FHIT: variants seen among roughly 807,000 people sequenced by gnomAD.
FHIT encodes the protein fragile histidine triad diadenosine triphosphatase, also known as bis(5'-adenosyl)-triphosphatase.
Under a neutral mutation model 17.9 loss-of-function variants are expected in FHIT, and 19 were observed. That is an observed-to-expected ratio of 1.06 (90% CI 0.74 to 1.56). The LOEUF (loss-of-function observed/expected upper bound fraction) is 1.56, where lower values mean the gene tolerates loss of function less well. Among genes scored for constraint, FHIT ranks in the 40% most tolerant of loss-of-function variants. The probability of loss-of-function intolerance (pLI) is 0.00; values close to 1 mark genes in which losing one functional copy is unlikely to be tolerated. For missense variants in FHIT, 248 were observed against 189.2 expected, an observed-to-expected ratio of 1.31 and a Z score of -1.82; for synonymous variants, 81 against 69.7, an observed-to-expected ratio of 1.16 and a Z score of -0.81.
chr3:60,925,396 G>T (rs1453880880), intron 3 of FHIT, among the ~76,000 whole-genome samples: 1 of 152,142 alleles, frequency 6.6e-6, no homozygotes, highest in South Asian at 2.1e-4. Flanking sequence ...AGAGAGTGGA[G>T]GCCAATATTC....
chr3:60,232,085 G>A (rs1704524819), intron 5 of FHIT, among the ~76,000 whole-genome samples: 1 of 152,132 alleles, frequency 6.6e-6, no homozygotes, highest in South Asian at 2.1e-4. Flanking sequence ...TCTTGAATAG[G>A]AACTTGTAGT....
intron 4 of FHIT, among the ~76,000 whole-genome samples, chr3:60,562,522 G>C (rs2036988938): frequency 1.3e-5 from 2 of 152,120 alleles, no homozygotes; most frequent in Admixed American, 1.3e-4. Context: ...CCCACTCCTA[G>C]GTTTTAAGAG....
intron 4 of FHIT, among the ~76,000 whole-genome samples, chr3:60,759,777 G>A (rs543859258): frequency 6.6e-6 from 1 of 152,234 alleles, no homozygotes; most frequent in Non-Finnish European, 1.5e-5. Context: ...ACCCAGACAA[G>A]TGCATTCTGA....
intron 4 of FHIT, among the ~76,000 whole-genome samples, chr3:60,537,889 G>A (rs933284628): frequency 6.6e-6 from 1 of 152,122 alleles, no homozygotes; most frequent in African/African-American, 2.4e-5. Context: ...ATGAAACTGA[G>A]GAACATGGAT....
intron 5 of FHIT, among the ~76,000 whole-genome samples, chr3:60,131,701 G>A (rs918074646): frequency 6.6e-6 from 1 of 151,990 alleles, no homozygotes; most frequent in African/African-American, 2.4e-5. Flanking sequence ...GAACTCATCA[G>A]TATCCCCTAC....
At chr3:61,140,344 T>C (rs1374313038) in intron 2 of FHIT, among the ~76,000 whole-genome samples, 1 of 152,222 alleles carries the variant, frequency 6.6e-6, no homozygotes, top group Non-Finnish European at 1.5e-5. Context: ...GGAGACTCTT[T>C]AGCTATCCTT....
intron 5 of FHIT, among the ~76,000 whole-genome samples, chr3:60,371,638 C>G (rs1700333761): frequency 6.6e-6 from 1 of 152,118 alleles, no homozygotes; most frequent in South Asian, 2.1e-4. Context: ...AGTTATCATT[C>G]TGCTCTATGA....
At chr3:60,587,826 T>G (rs1553662671) in intron 4 of FHIT, among the ~76,000 whole-genome samples, 1 of 152,070 alleles carries the variant, frequency 6.6e-6, no homozygotes, top group African/African-American at 2.4e-5. Context: ...GGTTGTCTTA[T>G]TATCCTGATT....
chr3:60,335,010 T>C (rs1559829918), intron 5 of FHIT, among the ~76,000 whole-genome samples: 1 of 152,216 alleles, frequency 6.6e-6, no homozygotes, highest in Non-Finnish European at 1.5e-5. Flanking sequence ...TTTCAAAATT[T>C]GCTTTAAATG....
intron 8 of FHIT, among the ~76,000 whole-genome samples, chr3:59,889,392 T>C (rs1013469233): frequency 6.6e-6 from 1 of 152,220 alleles, no homozygotes; most frequent in Non-Finnish European, 1.5e-5. Flanking sequence ...GTCATGAATC[T>C]CTAATCATAA....
chr3:60,749,733 A>G (rs868947337), intron 4 of FHIT, among the ~76,000 whole-genome samples: 3 of 152,224 alleles, frequency 2.0e-5, no homozygotes, highest in African/African-American at 7.2e-5. Context: ...GAAAGTGATC[A>G]GTGCAGGAAA....
intron 3 of FHIT, among the ~76,000 whole-genome samples, chr3:60,832,308 C>T (rs1249470261): frequency 6.6e-6 from 1 of 152,092 alleles, no homozygotes; most frequent in Non-Finnish European, 1.5e-5. Context: ...AGTTAAATTA[C>T]TTGACCTAAA....
At chr3:59,975,386 A>T (rs1708364474) in intron 7 of FHIT, among the ~76,000 whole-genome samples, 2 of 152,138 alleles carry the variant, frequency 1.3e-5, no homozygotes, top group Admixed American at 6.6e-5. Flanking sequence ...GACACTACAT[A>T]AAAGGGCTAC....
chr3:61,239,649 C>T (rs771930856), intron 1 of FHIT, among the ~76,000 whole-genome samples: 1 of 151,518 alleles, frequency 6.6e-6, no homozygotes, highest in Non-Finnish European at 1.5e-5. Context: ...TCCATGAGGG[C>T]AGTGCTGATA....
At chr3:60,516,086 G>A (rs948341291) in intron 5 of FHIT, among the ~76,000 whole-genome samples, 4 of 152,182 alleles carry the variant, frequency 2.6e-5, no homozygotes, top group South Asian at 2.1e-4. Flanking sequence ...TATGGGTTCA[G>A]AGGACCTATC....
In FHIT at chr3:60,106,429, A is replaced by G. The variant is rs551228747; in HGVS notation, c.104-92277T>C. Among the ~76,000 whole-genome samples the G allele has an allele frequency of 2.4e-4, 37 of 152,330 alleles. 1 individual carries two copies. The South Asian group carries it at 4.4e-3, about 18-fold the overall frequency. ...TTGCTCTCACACCTCAAACCGCAAAAGTTTCAACCACAGTTCATGATAAGT... is the reference window on the plus strand; with the variant it reads ...TTGCTCTCACACCTCAAACCGCAAAGGTTTCAACCACAGTTCATGATAAGT... On this transcript the variant is annotated intron_variant, in intron 5 of 9. Transcript: ENST00000492590.
intron 5 of FHIT, among the ~76,000 whole-genome samples, chr3:60,510,021 G>A (rs545950075): frequency 6.6e-5 from 10 of 152,226 alleles, no homozygotes; most frequent in South Asian, 2.1e-4. Flanking sequence ...TACAAAGAGC[G>A]CCCATCCCAG....
chr3:60,694,070 A>G (rs1274187336), intron 4 of FHIT, among the ~76,000 whole-genome samples: 1 of 152,224 alleles, frequency 6.6e-6, no homozygotes, highest in Non-Finnish European at 1.5e-5. Flanking sequence ...TTACTTGATG[A>G]CATTGGTTAG....
intron 2 of FHIT, among the ~76,000 whole-genome samples, chr3:61,181,586 A>C (rs916003492): frequency 2.6e-5 from 4 of 152,124 alleles, no homozygotes; most frequent in African/African-American, 9.7e-5. Flanking sequence ...TTCCAGCATC[A>C]CAGGCTGCTC....
Sources: gnomAD v4.1 joint callset for allele counts (sites outside exome capture counted in the v4.1 genomes callset) on GRCh38, gnomAD v4.1.1 for gene constraint, MANE v1.5 for transcripts, NCBI Gene and HGNC (gene_info 2026-07-23, HGNC 2026-07-21) for gene names.